The following ZIC3 variants were observed in gnomAD, a reference collection of about 807,000 sequenced individuals.
The protein encoded by ZIC3 is Zic family zinc finger 3.
ZIC3 carries 6 observed loss-of-function variants against 18.3 expected under a neutral mutation model. That is an observed-to-expected ratio of 0.33 (90% CI 0.18 to 0.65). The LOEUF is 0.65. ZIC3 is among the 30% of genes least tolerant of loss of function. The pLI is 0.75. For missense variants in ZIC3, 260 were observed against 410.0 expected (o/e 0.63, Z 3.16); for synonymous variants, 175 against 177.0 (o/e 0.99, Z 0.09).
rs768507518 is a variant in ZIC3 at position 137,570,654 on chromosome X, A to C, written c.*584A>C. On this transcript the variant is annotated 3_prime_UTR_variant, in exon 3 of 3. Coordinates refer to ENST00000287538, the MANE Select transcript of ZIC3 (RefSeq NM_003413.4). ...TTAGTATACAGTTGCCTTTTGTAAT[A>C]ACTTTTTTTTTGTAAATACATATCC... 1 of 114,030 alleles carries C rather than the reference A, an allele frequency of 8.8e-6. No individual in the cohort carries two copies. The highest frequency in any genetic ancestry group is 3.2e-5 in the African/African-American group (1 of 31,015). 9.4% of individuals were successfully genotyped at this position (114,030 alleles called of 1,213,427 possible). A position where few individuals can be genotyped will look rare whatever the true frequency, so the allele number is the denominator to read the frequency against.
Position 137,566,462 on chromosome X carries a change from C to G in ZIC3, c.-230C>G, listed in dbSNP as rs1338216538. The G allele has an allele frequency of 2.5e-5, 5 of 196,427 alleles. No homozygotes were observed. The highest frequency in any genetic ancestry group is 6.2e-5 in the Admixed American group (1 of 16,132). 16.2% of individuals were successfully genotyped at this position (196,427 alleles called of 1,213,427 possible). A position where few individuals can be genotyped will look rare whatever the true frequency, so the allele number is the denominator to read the frequency against. On this transcript the variant is annotated 5_prime_UTR_variant, in exon 1 of 3. Transcript: ENST00000287538. ...CTCCTCCCTTCTCCTCCCTCCTCCT[C>G]CCCCCGCCAACACCCCCTCCCTGCT...
chrX:137,567,300 C>G lies in ZIC3; in HGVS notation c.609C>G (p.Ala203=). 8.3e-7 allele frequency: 1 copy of G among 1,211,563 alleles called. No homozygotes were observed. The highest frequency in any genetic ancestry group is 1.1e-6 in the Non-Finnish European group (1 of 895,625). ...FGRADPYRPV[A]SPRTDPYAAG... ...GTGCTGACCCATACCGCCCAGTGGC[C>G]AGCCCGCGCACGGACCCCTACGCGG... Residue 203 remains alanine, a synonymous_variant, in exon 1 of 3, where the codon GCC becomes GCG. Transcript: ENST00000287538.
At chrX:137,573,575 A>T (rs1275951908), downstream of ZIC3, among the ~76,000 whole-genome samples, 2 of 112,207 alleles carry the variant, frequency 1.8e-5, no homozygotes, top group African/African-American at 6.5e-5. Flanking sequence ...CCCCCTTCTT[A>T]AAAAACTCCC....
downstream of ZIC3, chrX:137,573,881 G>C (rs974971231): frequency 8.9e-6 from 1 of 112,158 alleles, no homozygotes; most frequent in Non-Finnish European, 1.9e-5. Context: ...TCTCTGTCGA[G>C]GCTCGGGCGG....
At chrX:137,568,331 G>GATCT (rs1416040219) in intron 1 of ZIC3, among the ~76,000 whole-genome samples, 22 of 59,725 alleles carry the variant, frequency 3.7e-4, no homozygotes, top group East Asian at 1.6e-3. Flanking sequence ...GAGCCCCCTG[G>GATCT]ATCGATCGAT....
At chrX:137,574,803 C>T (rs1463864945), downstream of ZIC3, among the ~76,000 whole-genome samples, 1 of 113,024 alleles carries the variant, frequency 8.8e-6, no homozygotes, top group Non-Finnish European at 1.9e-5. Context: ...CGCAGCAAAG[C>T]GCAGCAAAGG....
At chrX:137,575,246 A>C (rs1049446767), downstream of ZIC3, among the ~76,000 whole-genome samples, 9 of 111,878 alleles carry the variant, frequency 8.0e-5, no homozygotes, top group Non-Finnish European at 1.5e-4. Flanking sequence ...CAAATGTGCC[A>C]TTGCGAGTTC....
At chrX:137,576,028 C>A (rs1931509900), downstream of ZIC3, among the ~76,000 whole-genome samples, 1 of 108,645 alleles carries the variant, frequency 9.2e-6, no homozygotes, top group Admixed American at 9.8e-5. Flanking sequence ...AGTTTGGAAA[C>A]TTGTTTTGAA....
chrX:137,567,705 C>T lies in ZIC3; in HGVS notation c.1014C>T (p.Ile338=), dbSNP rs1931371802. Residue 338 remains isoleucine, a synonymous_variant, in exon 1 of 3, where the codon ATC becomes ATT. Transcript: ENST00000287538. ...GCCCCTTCCCGGGCTGCGGGAAGAT[C>T]TTTGCCCGTTCTGAGAACCTCAAGA... The part of the protein sequence containing the change: ...FPCPFPGCGK[I]FARSENLKIH... 1 of 1,211,477 alleles carries T rather than the reference C, an allele frequency of 8.3e-7. No homozygotes were observed. Among genetic ancestry groups the T allele is most frequent in the Non-Finnish European group, 1.1e-6 (1 of 895,564 alleles).
rs769295569 is a variant in ZIC3 at position 137,566,847 on chromosome X, C to T, written c.156C>T (p.Ala52=). 23 of 1,162,092 alleles carry T rather than the reference C, an allele frequency of 2.0e-5. No homozygotes were observed. Among genetic ancestry groups the T allele is most frequent in the Non-Finnish European group, 2.5e-5 (22 of 872,682 alleles). Reference sequence around the variant, plus strand: ...CCCACGCCGCCGCCGCCGCCGCCGCCGCCGCTGCCTTCAAGCTGAGCCCTG... The same window carrying T: ...CCCACGCCGCCGCCGCCGCCGCCGCTGCCGCTGCCTTCAAGCTGAGCCCTG... ...DSTHAAAAAA[A]AAAFKLSPAA... is the part of the protein sequence containing the mutation. Residue 52 remains alanine (A), a synonymous_variant, in exon 1 of 3, where the codon GCC becomes GCT. Transcript: ENST00000287538.
downstream of ZIC3, among the ~76,000 whole-genome samples, chrX:137,576,293 G>T (rs1410728816): frequency 8.9e-6 from 1 of 111,786 alleles, no homozygotes; most frequent in Non-Finnish European, 1.9e-5. Flanking sequence ...AGTTAAAAAA[G>T]CTTTAGCCAA....
chrX:137,575,395 A>G (rs1931502255), downstream of ZIC3, among the ~76,000 whole-genome samples: 1 of 111,553 alleles, frequency 9.0e-6, no homozygotes, highest in South Asian at 3.8e-4. Flanking sequence ...CAGAATTCCG[A>G]AAACTTTAAT....
rs1931342400 is a variant in ZIC3 at position 137,566,530 on chromosome X, T to G, written c.-162T>G. 1.2e-6 allele frequency: 1 copy of G among 800,296 alleles called. No individual in the cohort carries two copies. The allele number at this position is 800,296 out of a possible 1,213,427, so 66.0% of individuals were successfully genotyped here. On this transcript the variant is annotated 5_prime_UTR_variant, in exon 1 of 3. Transcript: ENST00000287538. ...CTCCTATCCCTCTGCAGGAGACTCT[T>G]GCAGTGACGGAAAGTTGCAGCCCCT...
intron 2 of ZIC3, 144 bp downstream of exon 2, chrX:137,569,209 T>TG: frequency 3.5e-5 from 1 of 28,804 alleles, no homozygotes; most frequent in Non-Finnish European, 5.8e-5. Context: ...GAACCCATTT[T>TG]GGGGACCGGG....
Position 137,569,879 on chromosome X carries a change from T to C in ZIC3, c.1225-12T>C, listed in dbSNP as rs761236643. ...AATTATATTCATTATAATATATACATGTTAATTTTAGGTTCATGAATCTCA... is the reference window on the plus strand; with the variant it reads ...AATTATATTCATTATAATATATACACGTTAATTTTAGGTTCATGAATCTCA... On this transcript the variant is annotated splice_polypyrimidine_tract_variant and intron_variant, in intron 2 of 2. Coordinates refer to ENST00000287538, the MANE Select transcript of ZIC3 (RefSeq NM_003413.4). The C allele has an allele frequency of 2.0e-5, 24 of 1,203,251 alleles. 1 individual carries two copies. In the South Asian group the frequency reaches 3.7e-4, roughly 19 times the overall value.
downstream of ZIC3, chrX:137,576,991 A>G (rs1195519530): frequency 1.2e-5 from 5 of 419,268 alleles, no homozygotes; most frequent in Admixed American, 1.3e-4. Flanking sequence ...AAAATAAAAC[A>G]TTCCATCGTG....
chrX:137,569,959 C>T lies in ZIC3; in HGVS notation c.1293C>T (p.Pro431=), dbSNP rs777895494. The T allele has an allele frequency of 8.3e-7, 1 of 1,211,714 alleles. No individual in the cohort carries two copies. Among genetic ancestry groups the T allele is most frequent in the Non-Finnish European group, 1.1e-6 (1 of 895,428 alleles). The change falls in exon 3 of 3, where the codon CCC becomes CCT. Residue 431 remains proline, a synonymous_variant. Coordinates refer to ENST00000287538, the MANE Select transcript of ZIC3 (RefSeq NM_003413.4). ...CAGGCTATGAATCTTCCACTCCACCCGCTATAGCTTCTGCAAACAGTAAAG... is the reference window on the plus strand; with the variant it reads ...CAGGCTATGAATCTTCCACTCCACCTGCTATAGCTTCTGCAAACAGTAAAG... The part of the protein sequence containing the change: ...ASSGYESSTP[P]AIASANSKDT...
rs937086632 is a variant in ZIC3, at chrX:137,571,816, T to C, written c.*1746T>C. ...GTTATATGGAAAAGAAATTGATTGC[T>C]ATTTTGGGGGGCTGGAGTGGGTAGA... On this transcript the variant is annotated 3_prime_UTR_variant, in exon 3 of 3. Coordinates refer to ENST00000287538, the MANE Select transcript of ZIC3 (RefSeq NM_003413.4). 8.9e-6 allele frequency among the ~76,000 whole-genome samples: 1 copy of C among 112,081 alleles called. No individual in the cohort carries two copies.
At position 137,566,486 on chromosome X, in the gene ZIC3, CTCTTTCTT is replaced by C; in HGVS notation, c.-205_-198del. The C allele has an allele frequency of 8.9e-6, 3 of 336,351 alleles. No homozygotes were observed. Among genetic ancestry groups the C allele is most frequent in the Non-Finnish European group, 1.4e-5 (3 of 210,666 alleles). The allele number at this position is 336,351 out of a possible 1,213,427, so 27.7% of individuals were successfully genotyped here. A position where few individuals can be genotyped will look rare whatever the true frequency, so the allele number is the denominator to read the frequency against. On this transcript the variant is annotated 5_prime_UTR_variant, in exon 1 of 3. Transcript: ENST00000287538. Reference sequence around the variant, plus strand: ...TCCCCCCGCCAACACCCCCTCCCTGCTCTTTCTTCCCCTCCTCCCTCCTATCCCTCTGC... The same window carrying C: ...TCCCCCCGCCAACACCCCCTCCCTGCCCCCTCCTCCCTCCTATCCCTCTGC...
Sources: gnomAD v4.1 joint callset for allele counts (sites outside exome capture counted in the v4.1 genomes callset) on GRCh38, gnomAD v4.1.1 for gene constraint, MANE v1.5 for transcripts, NCBI Gene and HGNC (gene_info 2026-07-23, HGNC 2026-07-21) for gene names.